ETFA: variants seen among roughly 807,000 people sequenced by gnomAD.
ETFA encodes electron transfer flavoprotein subunit alpha, also known as electron transfer flavoprotein subunit alpha, mitochondrial.
In ETFA, 22 loss-of-function variants were observed where a neutral mutation model predicts 46.2. That is an observed-to-expected ratio of 0.48 (90% CI 0.34 to 0.68). ETFA has a LOEUF of 0.68. Among genes scored for constraint, ETFA ranks in the 30% least tolerant of loss-of-function variants. The probability of loss-of-function intolerance (pLI) is 0.01; values close to 1 mark genes in which losing one functional copy is unlikely to be tolerated. For missense variants in ETFA, 345 were observed against 401.1 expected, an observed-to-expected ratio of 0.86 and a Z score of 1.19; for synonymous variants, 131 against 139.9, an observed-to-expected ratio of 0.94 and a Z score of 0.45.
At chr15:76,261,186 C>A in intron 9 of ETFA, 1 of 1,539,068 alleles carries the variant, frequency 6.5e-7, no homozygotes, top group Non-Finnish European at 9.0e-7. Context: ...TAGTTCCTCT[C>A]CACCAGACAA....
intron 11 of ETFA, among the ~76,000 whole-genome samples, chr15:76,219,864 C>T (rs2142103503): frequency 6.6e-6 from 1 of 152,304 alleles, no homozygotes; most frequent in East Asian, 1.9e-4. Flanking sequence ...AACTGGAACC[C>T]TTGTGTACTG....
At chr15:76,237,302 C>G (rs889116704) in intron 9 of ETFA, among the ~76,000 whole-genome samples, 16 of 152,196 alleles carry the variant, frequency 1.1e-4, no homozygotes, top group Admixed American at 3.3e-4. Context: ...ATCCACCCAC[C>G]TCGGCCTCCC....
chr15:76,304,811 G>A (rs894016303), intron 1 of ETFA, among the ~76,000 whole-genome samples: 6 of 152,106 alleles, frequency 3.9e-5, no homozygotes, highest in African/African-American at 7.2e-5. Context: ...TTGGGAGGCC[G>A]AGGCGGGCAG....
At chr15:76,301,903 C>T (rs1388360182) in intron 1 of ETFA, among the ~76,000 whole-genome samples, 2 of 152,132 alleles carry the variant, frequency 1.3e-5, no homozygotes, top group African/African-American at 4.8e-5. Context: ...ACAGGTACCT[C>T]ACCAAAGAAG....
chr15:76,258,796 CCA>C (rs777335647), intron 9 of ETFA, among the ~76,000 whole-genome samples: 3 of 152,320 alleles, frequency 2.0e-5, no homozygotes, highest in African/African-American at 4.8e-5. Context: ...GCCAGGCTGG[CCA>C]CAGAGTGGTT....
At chr15:76,298,819 A>C (rs944839805) in intron 1 of ETFA, among the ~76,000 whole-genome samples, 2 of 152,210 alleles carry the variant, frequency 1.3e-5, no homozygotes, top group African/African-American at 4.8e-5. Context: ...ATATAATCTC[A>C]AAAGACCTCT....
intron 9 of ETFA, among the ~76,000 whole-genome samples, chr15:76,244,580 A>C (rs1216938618): frequency 1.3e-5 from 2 of 152,286 alleles, no homozygotes; most frequent in East Asian, 3.9e-4. Flanking sequence ...AACATTTTCT[A>C]GTAAAGTGTC....
intron 5 of ETFA, 44 bp downstream of exon 5, chr15:76,287,802 C>T (rs1390978668): frequency 4.6e-6 from 6 of 1,314,150 alleles, no homozygotes; most frequent in Admixed American, 3.4e-5. Context: ...ATGCTTTTCA[C>T]TAAAATTTAA....
Position 76,311,389 on chromosome 15 carries a change from G to A in ETFA, c.-1C>T. The A allele has an allele frequency of 1.9e-6, 3 of 1,562,646 alleles. No homozygotes were observed. The highest frequency in any genetic ancestry group is 1.7e-4 in the Middle Eastern group (1 of 5,748). On this transcript the variant is annotated 5_prime_UTR_variant, in exon 1 of 12. Transcript: ENST00000557943. ...GCCCCGGAGCCGCCGCTCGGAACAT[G>A]GTCTCCGCTTCCGCCGCAACCTCGG...
At chr15:76,286,158 T>C (rs1386018904) in intron 6 of ETFA, among the ~76,000 whole-genome samples, 1 of 152,238 alleles carries the variant, frequency 6.6e-6, no homozygotes, top group East Asian at 1.9e-4. Flanking sequence ...TCCCTTGATC[T>C]ACCAAAGCAA....
At chr15:76,290,540 G>A (rs537893252) in intron 4 of ETFA, among the ~76,000 whole-genome samples, 58 of 151,212 alleles carry the variant, frequency 3.8e-4, no homozygotes, top group Non-Finnish European at 7.8e-4. Context: ...TTGTAGAGAT[G>A]AGATCTCACT....
chr15:76,286,772 AT>A (rs2039709010), intron 5 of ETFA, among the ~76,000 whole-genome samples: 1 of 152,234 alleles, frequency 6.6e-6, no homozygotes, highest in Non-Finnish European at 1.5e-5. Flanking sequence ...TCTAAAAGGA[AT>A]ATGAACAAAG....
intron 9 of ETFA, among the ~76,000 whole-genome samples, chr15:76,270,311 G>GA (rs1410670177): frequency 6.6e-6 from 1 of 152,160 alleles, no homozygotes; most frequent in Non-Finnish European, 1.5e-5. Context: ...CACCATAGGA[G>GA]AAAGGCATTA....
At chr15:76,225,773 C>A (rs2038998200) in intron 11 of ETFA, 76 bp downstream of exon 11, 1 of 914,816 alleles carries the variant, frequency 1.1e-6, no homozygotes, top group African/African-American at 1.6e-5. Flanking sequence ...CTTTTAATAG[C>A]TTCATCCCTA....
chr15:76,273,451 G>A (rs928483330), intron 9 of ETFA, among the ~76,000 whole-genome samples: 1 of 152,098 alleles, frequency 6.6e-6, no homozygotes, highest in Non-Finnish European at 1.5e-5. Flanking sequence ...AGCCACTTGG[G>A]AGGCTGAGGC....
At chr15:76,232,738 TCA>T (rs368407394) in intron 9 of ETFA, among the ~76,000 whole-genome samples, 1 of 152,310 alleles carries the variant, frequency 6.6e-6, no homozygotes, top group African/African-American at 2.4e-5. Context: ...TCTCAGGGGC[TCA>T]CTTTTTCCAA....
intron 9 of ETFA, among the ~76,000 whole-genome samples, chr15:76,237,892 G>A (rs964970352): frequency 1.3e-5 from 2 of 152,100 alleles, no homozygotes; most frequent in African/African-American, 4.8e-5. Context: ...TTTGACAGCT[G>A]TTAGTTTCTT....
At chr15:76,284,847 T>A in intron 7 of ETFA, 1 of 338,714 alleles carries the variant, frequency 3.0e-6, no homozygotes, top group South Asian at 2.1e-5. Context: ...GGAGAATCGC[T>A]TGAACCTGGG....
chr15:76,220,213 C>A (rs1222753592), intron 11 of ETFA, among the ~76,000 whole-genome samples: 1 of 152,156 alleles, frequency 6.6e-6, no homozygotes, highest in Non-Finnish European at 1.5e-5. Context: ...GCTATAGGTG[C>A]GTGCCACCAT....
Sources: allele counts gnomAD v4.1 joint callset (sites outside exome capture counted in the v4.1 genomes callset), GRCh38; gene constraint gnomAD v4.1.1; transcripts MANE v1.5; gene names NCBI Gene and HGNC (gene_info 2026-07-23, HGNC 2026-07-21).